LANCL2: variants seen among roughly 807,000 people sequenced by gnomAD.
LANCL2 encodes the protein lanC-like protein 2.
A neutral mutation model predicts 56.9 loss-of-function variants in LANCL2; 33 were observed. The ratio of observed to expected loss-of-function variants is 0.58; its 90% CI spans 0.44 to 0.78. The LOEUF (loss-of-function observed/expected upper bound fraction) is 0.78, where lower values mean the gene tolerates loss of function less well. LANCL2 is among the 30% of genes least tolerant of loss of function. The pLI is 0.00. For missense variants in LANCL2, 562 were observed against 580.2 expected (o/e 0.97, Z 0.32); for synonymous variants, 233 against 228.2 (o/e 1.02, Z -0.19).
intron 6 of LANCL2, among the ~76,000 whole-genome samples, chr7:55,419,944 C>G (rs1330863406): frequency 1.3e-5 from 2 of 152,094 alleles, no homozygotes; most frequent in African/African-American, 4.8e-5. Context: ...CTTGAGGCCA[C>G]AAGTTCAAGA....
Position 55,415,000 on chromosome 7 carries a change from A to AG in LANCL2, c.1008+2911_1008+2912insG, listed in dbSNP as rs1429291090. ...CCCTACCTCAAAAAAAAAAAAAAAA[A>AG]AGAAAAGAAAAGAAAAAGGCAAGGT... is the stretch of plus-strand genomic sequence containing the variant. On this transcript the variant is annotated intron_variant, in intron 6 of 8. Coordinates refer to ENST00000254770, the MANE Select transcript of LANCL2 (RefSeq NM_018697.4). Among the ~76,000 whole-genome samples the AG allele has an allele frequency of 3.3e-5, 4 of 123,020 alleles. 1 individual carries two copies. Among genetic ancestry groups the AG allele is most frequent in the Admixed American group, 9.0e-5 (1 of 11,142 alleles). The allele number at this position is 123,020 out of a possible 152,430, so 80.7% of individuals were successfully genotyped here. A position where few individuals can be genotyped will look rare whatever the true frequency, so the allele number is the denominator to read the frequency against.
chr7:55,390,224 A>G (rs1790170511), intron 1 of LANCL2, among the ~76,000 whole-genome samples: 1 of 137,488 alleles, frequency 7.3e-6, no homozygotes, highest in African/African-American at 2.6e-5. Context: ...ATATGAAAGC[A>G]AAAAGAGAGA....
intron 5 of LANCL2, 64 bp from the exon 6 acceptor site, chr7:55,411,843 G>A (rs1790473136): frequency 1.4e-6 from 2 of 1,440,222 alleles, no homozygotes; most frequent in Non-Finnish European, 1.9e-6. Flanking sequence ...TGTTAGCCAT[G>A]ATACAATGTA....
intron 2 of LANCL2, among the ~76,000 whole-genome samples, chr7:55,396,417 C>T (rs1790253445): frequency 6.6e-6 from 1 of 152,260 alleles, no homozygotes. Flanking sequence ...GCCCCGCCTA[C>T]CCGGAGCAAG....
At chr7:55,421,762 C>T (rs1025020648) in intron 6 of LANCL2, among the ~76,000 whole-genome samples, 2 of 152,158 alleles carry the variant, frequency 1.3e-5, no homozygotes, top group Admixed American at 1.3e-4. Flanking sequence ...AGCCACTTCG[C>T]ATAAACTGTA....
At chr7:55,366,515 C>T (rs989563193) in intron 1 of LANCL2, among the ~76,000 whole-genome samples, 1 of 152,200 alleles carries the variant, frequency 6.6e-6, no homozygotes, top group Non-Finnish European at 1.5e-5. Context: ...CTTCGCAATG[C>T]GGGCTTGTGC....
intron 1 of LANCL2, among the ~76,000 whole-genome samples, chr7:55,378,282 A>G (rs1011901500): frequency 6.6e-6 from 1 of 152,118 alleles, no homozygotes; most frequent in African/African-American, 2.4e-5. Context: ...CAACATGGGG[A>G]AACCCTGTCT....
intron 2 of LANCL2, among the ~76,000 whole-genome samples, chr7:55,395,634 A>G (rs1790241727): frequency 2.0e-5 from 3 of 152,112 alleles, no homozygotes; most frequent in Non-Finnish European, 4.4e-5. Context: ...AAAGAAAGAT[A>G]AAGAGAGACT....
At chr7:55,411,413 C>A (rs1274599639) in intron 5 of LANCL2, 2 of 152,304 alleles carry the variant, frequency 1.3e-5, no homozygotes, top group African/African-American at 4.8e-5. Flanking sequence ...GTGAGGCATG[C>A]ATTTTTTTCT....
intron 5 of LANCL2, among the ~76,000 whole-genome samples, chr7:55,409,698 G>C (rs1790451026): frequency 6.6e-6 from 1 of 152,168 alleles, no homozygotes; most frequent in Non-Finnish European, 1.5e-5. Context: ...GCCAATTATG[G>C]AGAGTCGCCT....
intron 5 of LANCL2, among the ~76,000 whole-genome samples, chr7:55,408,356 A>C (rs904987860): frequency 7.2e-5 from 11 of 152,142 alleles, no homozygotes; most frequent in African/African-American, 2.7e-4. Context: ...AAAATAACAC[A>C]AAAATATGCT....
At chr7:55,392,662 T>C (rs1790205608) in intron 2 of LANCL2, among the ~76,000 whole-genome samples, 1 of 152,230 alleles carries the variant, frequency 6.6e-6, no homozygotes, top group South Asian at 2.1e-4. Flanking sequence ...TTATACCTTT[T>C]AATTGAGGTC....
At chr7:55,426,260 A>C (rs1014382344) in intron 7 of LANCL2, among the ~76,000 whole-genome samples, 1 of 152,236 alleles carries the variant, frequency 6.6e-6, no homozygotes, top group African/African-American at 2.4e-5. Context: ...GGAGCAGTGC[A>C]TAGCACCGAG....
chr7:55,381,869 T>C (rs1325650062), intron 1 of LANCL2, among the ~76,000 whole-genome samples: 1 of 152,204 alleles, frequency 6.6e-6, no homozygotes, highest in Admixed American at 6.5e-5. Flanking sequence ...ACTTTGAGTG[T>C]CTGGGATGCA....
intron 7 of LANCL2, 60 bp downstream of exon 7, chr7:55,425,490 G>C (rs1260433584): frequency 6.7e-7 from 1 of 1,487,058 alleles, no homozygotes; most frequent in Non-Finnish European, 9.3e-7. Context: ...AGAATCCAGA[G>C]TCCAGAAGTA....
intron 1 of LANCL2, among the ~76,000 whole-genome samples, chr7:55,391,178 G>A (rs1028163900): frequency 3.8e-4 from 53 of 138,924 alleles, no homozygotes; most frequent in African/African-American, 8.5e-4. Context: ...CACCACGCCC[G>A]GCTAATTTTT....
rs376426498 is a variant in LANCL2, at chr7:55,400,119, G to A, written c.678+15G>A. 1.3e-6 allele frequency: 2 copies of A among 1,564,140 alleles called. No homozygotes were observed. Among genetic ancestry groups the A allele is most frequent in the Non-Finnish European group, 1.7e-6 (2 of 1,147,262 alleles). ...CTATTAAAGAGGTACTATGGGGTAT[G>A]GGTAACTATGGGCGTCTCTACCATT... On this transcript the variant is annotated intron_variant, in intron 4 of 8. Transcript: ENST00000254770.
intron 6 of LANCL2, among the ~76,000 whole-genome samples, chr7:55,420,579 T>A (rs917821030): frequency 6.6e-6 from 1 of 152,254 alleles, no homozygotes; most frequent in Non-Finnish European, 1.5e-5. Flanking sequence ...ATTGTTCAGA[T>A]CTTCAATTAC....
intron 1 of LANCL2, among the ~76,000 whole-genome samples, chr7:55,379,137 G>A (rs902438525): frequency 5.4e-5 from 8 of 148,984 alleles, no homozygotes; most frequent in African/African-American, 1.5e-4. Flanking sequence ...GTGACAGAGC[G>A]AGACTACGTC....
Sources: gnomAD v4.1 joint callset for allele counts (sites outside exome capture counted in the v4.1 genomes callset) on GRCh38, gnomAD v4.1.1 for gene constraint, MANE v1.5 for transcripts, NCBI Gene and HGNC (gene_info 2026-07-23, HGNC 2026-07-21) for gene names.